SCML4: variants seen among roughly 807,000 people sequenced by gnomAD.
The protein encoded by SCML4 is Scm polycomb group protein like 4.
Under a neutral mutation model 41.1 loss-of-function variants are expected in SCML4, and 34 were observed. The ratio of observed to expected loss-of-function variants is 0.83; its 90% CI spans 0.63 to 1.10. The LOEUF (loss-of-function observed/expected upper bound fraction) is 1.10. Among genes scored for constraint, SCML4 ranks in the 50% least tolerant of loss-of-function variants. SCML4 has a pLI of 0.00. For missense variants in SCML4, 522 were observed against 534.1 expected, an observed-to-expected ratio of 0.98 and a Z score of 0.22; for synonymous variants, 214 against 220.9, an observed-to-expected ratio of 0.97 and a Z score of 0.28.
At chr6:107,833,748 A>G in the SCML4 span, among the ~76,000 whole-genome samples, 1 of 152,222 alleles carries the variant, frequency 6.6e-6, no homozygotes, top group Non-Finnish European at 1.5e-5. Context: ...AAACCTAAAA[A>G]TTAGAAAAAA....
At chr6:107,713,924 T>G (rs902318576) in intron 6 of SCML4, among the ~76,000 whole-genome samples, 4 of 152,140 alleles carry the variant, frequency 2.6e-5, no homozygotes, top group African/African-American at 9.7e-5. Flanking sequence ...CTTGAAACAG[T>G]GCTGTTTTTC....
the SCML4 span, among the ~76,000 whole-genome samples, chr6:107,841,609 T>A: frequency 1.3e-5 from 2 of 152,174 alleles, no homozygotes; most frequent in Admixed American, 1.3e-4. Context: ...AAAATGGGGA[T>A]CAAAATAGAT....
At position 107,819,438 on chromosome 6, in the gene SCML4, C is replaced by A. The variant is rs532737053; in HGVS notation, c.-60+4688G>T. Among the ~76,000 whole-genome samples, 4 of 152,166 alleles carry A rather than the reference C, an allele frequency of 2.6e-5. No individual in the cohort carries two copies. In the South Asian group the frequency reaches 6.2e-4, roughly 24 times the overall value. On this transcript the variant is annotated intron_variant, in intron 1 of 7. Coordinates refer to ENST00000369020, the MANE Select transcript of SCML4 (RefSeq NM_198081.5). ...CGGGGCTAAGCAGACAACATCACCA[C>A]CTTTCAAAGCACAGTGTTGACACTA...
At chr6:107,776,795 G>C (rs1780990099) in intron 1 of SCML4, among the ~76,000 whole-genome samples, 1 of 152,196 alleles carries the variant, frequency 6.6e-6, no homozygotes, top group African/African-American at 2.4e-5. Flanking sequence ...AGCATTCTTT[G>C]TAATAGTGAA....
the SCML4 span, among the ~76,000 whole-genome samples, chr6:107,838,789 A>C: frequency 6.6e-6 from 1 of 152,210 alleles, no homozygotes; most frequent in Non-Finnish European, 1.5e-5. Context: ...AAATAGAGAC[A>C]CATGCAAATA....
intron 5 of SCML4, 113 bp from the exon 6 acceptor site, chr6:107,721,106 G>A (rs1456662646): frequency 1.4e-5 from 18 of 1,319,460 alleles, no homozygotes; most frequent in Non-Finnish European, 1.7e-5. Flanking sequence ...GTATTTGTGA[G>A]CATGCAGAGA....
At chr6:107,816,177 A>G (rs7762935) in intron 1 of SCML4, among the ~76,000 whole-genome samples, 71,522 of 152,124 alleles carry the variant, frequency 0.47, 17,981 homozygotes, top group East Asian at 0.73. Flanking sequence ...GTATGTTGGC[A>G]GTAAAAGTAG....
chr6:107,790,701 C>T (rs1474667317), intron 1 of SCML4, among the ~76,000 whole-genome samples: 1 of 152,178 alleles, frequency 6.6e-6, no homozygotes, highest in Non-Finnish European at 1.5e-5. Flanking sequence ...GAAAGGCACA[C>T]ACAGCATCAG....
the SCML4 span, among the ~76,000 whole-genome samples, chr6:107,839,114 A>T: frequency 6.6e-6 from 1 of 152,142 alleles, no homozygotes; most frequent in African/African-American, 2.4e-5. Context: ...AGCCTGGGCA[A>T]CATGGTGAAA....
At chr6:107,800,689 C>T (rs1385892144) in intron 1 of SCML4, among the ~76,000 whole-genome samples, 1 of 152,216 alleles carries the variant, frequency 6.6e-6, no homozygotes, top group African/African-American at 2.4e-5. Context: ...CTTTCCCCCT[C>T]TCTGTTATAC....
In SCML4 at chr6:107,705,247, G is replaced by T. The variant is rs1469388404; in HGVS notation, c.1198C>A (p.Leu400Met). 1 of 1,551,710 alleles carries T rather than the reference G, an allele frequency of 6.4e-7. No homozygotes were observed. Among genetic ancestry groups the T allele is most frequent in the Admixed American group, 2.0e-5 (1 of 51,004 alleles). ...KYLGLKLGPA[L>M]KLCYHIDKLK... The stretch of plus-strand genomic sequence containing the variant: ...TTGTCAATGTGGTAGCAGAGTTTCA[G>T]TGCAGGTCCCAGCTTCAGGCCCAGG... Residue 400 changes from leucine (L) to methionine (M), a missense_variant, in exon 8 of 8, where the codon CTG becomes ATG. Transcript: ENST00000369020.
chr6:107,823,213 G>A (rs1785074529), intron 1 of SCML4, among the ~76,000 whole-genome samples: 1 of 152,170 alleles, frequency 6.6e-6, no homozygotes, highest in African/African-American at 2.4e-5. Flanking sequence ...TAACCCTCAT[G>A]AGTACCGTCA....
intron 1 of SCML4, among the ~76,000 whole-genome samples, chr6:107,809,679 T>A (rs1174850985): frequency 6.6e-6 from 1 of 151,986 alleles, no homozygotes; most frequent in African/African-American, 2.4e-5. Flanking sequence ...AAGGGGAAGA[T>A]ATGGGGAAGG....
intron 5 of SCML4, among the ~76,000 whole-genome samples, chr6:107,741,776 C>CCACT (rs1388261268): frequency 5.3e-5 from 8 of 152,210 alleles, no homozygotes; most frequent in Non-Finnish European, 1.0e-4. Context: ...AAACCAAAGA[C>CCACT]AGTGACCTAG....
At chr6:107,818,695 G>A (rs186062029) in intron 1 of SCML4, among the ~76,000 whole-genome samples, 2 of 152,206 alleles carry the variant, frequency 1.3e-5, no homozygotes, top group Non-Finnish European at 2.9e-5. Context: ...AAAACCAAAA[G>A]CATGAATGCC....
chr6:107,714,906 AG>A (rs1774602922), intron 6 of SCML4, among the ~76,000 whole-genome samples: 1 of 150,424 alleles, frequency 6.6e-6, no homozygotes, highest in South Asian at 2.1e-4. Flanking sequence ...TACAGAGCAA[AG>A]CCCCATCTGC....
At chr6:107,739,037 T>C (rs1331516292) in intron 5 of SCML4, among the ~76,000 whole-genome samples, 2 of 152,172 alleles carry the variant, frequency 1.3e-5, no homozygotes, top group East Asian at 3.9e-4. Context: ...TCCACCTGAC[T>C]CCCAAGGGAA....
At chr6:107,761,808 C>CTT (rs71015510) in intron 2 of SCML4, among the ~76,000 whole-genome samples, 20,801 of 147,634 alleles carry the variant, frequency 0.14, 1,785 homozygotes, top group Middle Eastern at 0.21. Flanking sequence ...AAAAAAAAGT[C>CTT]TTTTTTTTTT....
chr6:107,754,799 T>G (rs951792676), intron 2 of SCML4, among the ~76,000 whole-genome samples: 1 of 152,220 alleles, frequency 6.6e-6, no homozygotes, highest in Admixed American at 6.5e-5. Context: ...ACATCTAATG[T>G]TTCCTCACCA....
Sources: allele counts gnomAD v4.1 joint callset (sites outside exome capture counted in the v4.1 genomes callset), GRCh38; gene constraint gnomAD v4.1.1; transcripts MANE v1.5; gene names NCBI Gene and HGNC (gene_info 2026-07-23, HGNC 2026-07-21).